KAT6B: variants seen among roughly 807,000 people sequenced by gnomAD.
KAT6B encodes the protein lysine acetyltransferase 6B, also known as histone acetyltransferase KAT6B.
In KAT6B, 10 loss-of-function variants were observed where a neutral mutation model predicts 187.5. The ratio of observed to expected loss-of-function variants is 0.05; its 90% CI spans 0.03 to 0.09. KAT6B has a LOEUF of 0.09. Ranked by LOEUF, KAT6B falls within the 10% of genes least tolerant of loss-of-function variation. The pLI is 1.00. For synonymous variants in KAT6B, 861 were observed against 926.8 expected, an observed-to-expected ratio of 0.93 and a Z score of 1.29; for missense variants, 1,952 against 2,558.9, an observed-to-expected ratio of 0.76 and a Z score of 5.12.
At chr10:74,997,552 G>T (rs973755087) in intron 13 of KAT6B, among the ~76,000 whole-genome samples, 1 of 152,016 alleles carries the variant, frequency 6.6e-6, no homozygotes, top group African/African-American at 2.4e-5. Context: ...ACTCCACTCC[G>T]AAGTCTCTTA....
intron 3 of KAT6B, among the ~76,000 whole-genome samples, chr10:74,861,136 CAA>C (rs753772395): frequency 3.1e-5 from 4 of 127,324 alleles, no homozygotes; most frequent in Admixed American, 8.0e-5. Flanking sequence ...ACCTCCGTCT[CAA>C]AAAAAAAAAA....
At chr10:74,886,266 C>A (rs762223660) in intron 3 of KAT6B, among the ~76,000 whole-genome samples, 1 of 152,138 alleles carries the variant, frequency 6.6e-6, no homozygotes, top group African/African-American at 2.4e-5. Context: ...GTATGCCCTG[C>A]GATGTTCTGC....
chr10:74,895,367 T>G (rs1412881201), intron 3 of KAT6B, among the ~76,000 whole-genome samples: 2 of 151,314 alleles, frequency 1.3e-5, no homozygotes, highest in Non-Finnish European at 2.9e-5. Context: ...AATCATATTA[T>G]TATTATTATT....
Position 75,029,284 on chromosome 10 carries a change from G to C in KAT6B, c.4460G>C (p.Ser1487Thr), listed in dbSNP as rs1846128554. 2.5e-6 allele frequency: 4 copies of C among 1,614,044 alleles called. No individual in the cohort carries two copies. Among genetic ancestry groups the C allele is most frequent in the South Asian group, 1.1e-5 (1 of 91,070 alleles). Residue 1487 changes from serine to threonine, a missense_variant, in exon 18 of 18, where the codon AGT becomes ACT. Physicochemically the swap from Ser to Thr is moderately conservative, Grantham distance 58. Around this residue, in one of 9 missense-constraint regions of KAT6B, gnomAD observed 758 missense variants for 891.4 expected, o/e 0.85. Transcript: ENST00000287239. The surrounding 1 kb of genome is among the most constrained non-coding windows in gnomAD (Gnocchi z 6.2). The part of the protein sequence containing the change: ...CGVDLTASCN[S>T]EPKELAGDPE... ...GTCGACCTGACAGCTTCTTGTAACA[G>C]TGAGCCCAAGGAGCTTGCTGGGGAC...
intron 3 of KAT6B, among the ~76,000 whole-genome samples, chr10:74,913,479 G>C (rs1847403051): frequency 6.6e-6 from 1 of 152,160 alleles, no homozygotes; most frequent in Non-Finnish European, 1.5e-5. Context: ...TGTGCTGTGT[G>C]TTCACCCATT....
intron 12 of KAT6B, among the ~76,000 whole-genome samples, chr10:74,986,551 A>T (rs1589758407): frequency 6.6e-6 from 1 of 152,232 alleles, no homozygotes; most frequent in East Asian, 1.9e-4. Context: ...CAAAGATCAT[A>T]AACAAAAATA....
rs151271144 is a variant in KAT6B, at chr10:74,981,714, T to C, written c.2232-73T>C. ...CAGCCTTTTTATGATGTAGAGAAAA[T>C]TGAACAATATTTAATCTTCCCCCCA... On this transcript the variant is annotated intron_variant, in intron 10 of 17. Coordinates refer to ENST00000287239, the MANE Select transcript of KAT6B (RefSeq NM_012330.4). The C allele has an allele frequency of 5.0e-4, 561 of 1,126,896 alleles. 7 individuals are homozygous for C. In the East Asian group the frequency reaches 0.013, roughly 25 times the overall value. 69.8% of individuals were successfully genotyped at this position (1,126,896 alleles called of 1,614,324 possible). A position where few individuals can be genotyped will look rare whatever the true frequency, so the allele number is the denominator to read the frequency against.
intron 1 of KAT6B, among the ~76,000 whole-genome samples, chr10:74,829,441 A>C (rs1840565386): frequency 6.6e-6 from 1 of 151,868 alleles, no homozygotes; most frequent in Non-Finnish European, 1.5e-5. Context: ...ATTTGTACTG[A>C]GAGAAAAGGA....
chr10:74,964,001 G>A (rs1479506132), intron 4 of KAT6B, among the ~76,000 whole-genome samples: 1 of 152,064 alleles, frequency 6.6e-6, no homozygotes, highest in Non-Finnish European at 1.5e-5. Flanking sequence ...GCATGGTAGC[G>A]CATCCTGTAA....
At chr10:74,899,767 A>G (rs1446979524) in intron 3 of KAT6B, among the ~76,000 whole-genome samples, 3 of 152,020 alleles carry the variant, frequency 2.0e-5, no homozygotes, top group African/African-American at 7.2e-5. Flanking sequence ...AGATCTCACA[A>G]ATAACATTGA....
intron 3 of KAT6B, among the ~76,000 whole-genome samples, chr10:74,911,510 C>A (rs575709068): frequency 6.6e-6 from 1 of 151,958 alleles, no homozygotes; most frequent in African/African-American, 2.4e-5. Context: ...TCAAGTGATC[C>A]GCCTGCTTCA....
chr10:75,015,475 A>C (rs796869011), intron 13 of KAT6B, among the ~76,000 whole-genome samples: 13 of 152,332 alleles, frequency 8.5e-5, no homozygotes, highest in African/African-American at 3.1e-4. Context: ...ATAGCCTGTC[A>C]AGTTCATTTG....
chr10:75,013,470 G>A (rs1844756615), intron 13 of KAT6B, among the ~76,000 whole-genome samples: 1 of 152,050 alleles, frequency 6.6e-6, no homozygotes, highest in South Asian at 2.1e-4. Context: ...TGAGTTCATG[G>A]AATGGTTTTT....
intron 4 of KAT6B, among the ~76,000 whole-genome samples, chr10:74,962,615 TG>T (rs1397600523): frequency 6.6e-6 from 1 of 152,188 alleles, no homozygotes; most frequent in African/African-American, 2.4e-5. Context: ...TGGCAGCCTG[TG>T]GGGAGGATCA....
chr10:74,929,678 AG>A (rs1248417305), intron 3 of KAT6B, among the ~76,000 whole-genome samples: 4 of 152,184 alleles, frequency 2.6e-5, no homozygotes, highest in Admixed American at 6.5e-5. Flanking sequence ...ACGGGCTGCT[AG>A]TTTCACATAT....
intron 5 of KAT6B, 26 bp downstream of exon 5, chr10:74,969,801 T>C: frequency 6.8e-7 from 1 of 1,464,992 alleles, no homozygotes; most frequent in Non-Finnish European, 9.6e-7. Flanking sequence ...GTAATCCGCC[T>C]CCAGGTAACT....
At chr10:75,022,824 C>T (rs906912846) in intron 16 of KAT6B, among the ~76,000 whole-genome samples, 1 of 152,106 alleles carries the variant, frequency 6.6e-6, no homozygotes, top group Non-Finnish European at 1.5e-5. Flanking sequence ...CCCAGCTACT[C>T]GGGAGGCTGA....
intron 13 of KAT6B, among the ~76,000 whole-genome samples, chr10:75,001,917 G>A (rs1246879320): frequency 6.6e-6 from 1 of 152,162 alleles, no homozygotes; most frequent in Non-Finnish European, 1.5e-5. Flanking sequence ...GGCAGGGTGA[G>A]CACAGTATCA....
intron 3 of KAT6B, among the ~76,000 whole-genome samples, chr10:74,945,099 C>T (rs545581205): frequency 6.6e-6 from 1 of 152,214 alleles, no homozygotes; most frequent in East Asian, 1.9e-4. Flanking sequence ...ATTCATAGAG[C>T]CCCAAACTGT....
Sources: gnomAD v4.1 joint callset for allele counts (sites outside exome capture counted in the v4.1 genomes callset) on GRCh38, gnomAD v4.1.1 for gene constraint, gnomAD v4.1.1 regional missense constraint, Gnocchi (gnomAD v3.1) non-coding constraint, MANE v1.5 for transcripts, NCBI Gene and HGNC (gene_info 2026-07-23, HGNC 2026-07-21) for gene names.